The following OLFM2 variants were observed in gnomAD, a reference collection of about 807,000 sequenced individuals.
The protein encoded by OLFM2 is olfactomedin 2.
In OLFM2, 20 loss-of-function variants were observed where a neutral mutation model predicts 43.9. That is an observed-to-expected ratio of 0.46 (90% CI 0.32 to 0.66). The LOEUF (loss-of-function observed/expected upper bound fraction) is 0.66. Ranked by LOEUF, OLFM2 falls within the 30% of genes least tolerant of loss-of-function variation. The pLI is 0.04. For missense variants in OLFM2, 416 were observed against 643.6 expected (o/e 0.65, Z 3.83); for synonymous variants, 268 against 278.6 (o/e 0.96, Z 0.38).
chr19:9,909,505 A>G (rs867237548), intron 1 of OLFM2, among the ~76,000 whole-genome samples: 5 of 152,256 alleles, frequency 3.3e-5, no homozygotes, highest in African/African-American at 1.2e-4. Flanking sequence ...AACCACAGGA[A>G]TGCTAAGCTG....
At chr19:9,902,982 T>C (rs758932072) in intron 1 of OLFM2, among the ~76,000 whole-genome samples, 57 of 147,628 alleles carry the variant, frequency 3.9e-4, no homozygotes, top group Non-Finnish European at 6.8e-4. Flanking sequence ...CCAGCTAATT[T>C]TTGTACTTTT....
chr19:9,895,411 C>T lies in OLFM2; in HGVS notation c.64-34617G>A, dbSNP rs533203034. 5.4e-4 allele frequency among the ~76,000 whole-genome samples: 82 copies of T among 152,096 alleles called. 3 individuals carry two copies. In the South Asian group the frequency reaches 0.016, roughly 30 times the overall value. Reference sequence around the variant, plus strand: ...CTCGGGAAGCTGAGGTGGGGGATCACTTGAGCCTGAGAAGTCAAGGCTTCA... The same window carrying T: ...CTCGGGAAGCTGAGGTGGGGGATCATTTGAGCCTGAGAAGTCAAGGCTTCA... On this transcript the variant is annotated intron_variant, in intron 1 of 5. Coordinates refer to ENST00000264833, the MANE Select transcript of OLFM2 (RefSeq NM_058164.4).
intron 1 of OLFM2, among the ~76,000 whole-genome samples, chr19:9,926,987 AAAAT>A (rs1379284317): frequency 6.6e-6 from 1 of 151,430 alleles, no homozygotes; most frequent in African/African-American, 2.4e-5. Flanking sequence ...TCTATCTCTA[AAAAT>A]AAATAAATAA....
At chr19:9,886,816 C>T (rs2046591662) in intron 1 of OLFM2, among the ~76,000 whole-genome samples, 1 of 152,066 alleles carries the variant, frequency 6.6e-6, no homozygotes, top group East Asian at 1.9e-4. Flanking sequence ...TCCCAAGTAG[C>T]TGGGATTACA....
rs569062052 is a variant in OLFM2 at position 9,913,409 on chromosome 19, G to A, written c.63+22895C>T. 8.9e-5 allele frequency: 80 copies of A among 899,220 alleles called. No individual in the cohort carries two copies. The East Asian group carries it at 3.1e-3, about 35-fold the overall frequency. 55.7% of individuals were successfully genotyped at this position (899,220 alleles called of 1,614,324 possible). On this transcript the variant is annotated intron_variant, in intron 1 of 5. Transcript: ENST00000264833. ...AGGGGGACAGGTGGGGGCCCCGGGG[G>A]CTGCGGCGGCGGCAGCGGCTGTGGC...
At chr19:9,869,720 G>A (rs1013333082) in intron 1 of OLFM2, among the ~76,000 whole-genome samples, 4 of 152,114 alleles carry the variant, frequency 2.6e-5, no homozygotes, top group Non-Finnish European at 5.9e-5. Context: ...GACCTCAAGC[G>A]ATCCTCTGGC....
In OLFM2 at chr19:9,919,176, C is replaced by CTTTTTTTTTTTTT. The variant is rs36124685; in HGVS notation, c.63+17127_63+17128insAAAAAAAAAAAAA. Among the ~76,000 whole-genome samples, 153 of 149,250 alleles carry CTTTTTTTTTTTTT rather than the reference C, an allele frequency of 1.0e-3. 1 individual carries two copies. Among genetic ancestry groups the CTTTTTTTTTTTTT allele is most frequent in the African/African-American group, 3.6e-3 (145 of 40,070 alleles). ...ACGCAGTGAGACCTCATTTCTCTCT[C>CTTTTTTTTTTTTT]TTTTTTTTGAGATGGAGTCTCGCTC... On this transcript the variant is annotated intron_variant, in intron 1 of 5. Coordinates refer to ENST00000264833, the MANE Select transcript of OLFM2 (RefSeq NM_058164.4).
intron 1 of OLFM2, among the ~76,000 whole-genome samples, chr19:9,900,727 C>T (rs1276631179): frequency 3.3e-5 from 5 of 150,958 alleles, no homozygotes; most frequent in Admixed American, 6.6e-5. Context: ...CCTGTCTCTA[C>T]AAAAAAATTA....
intron 1 of OLFM2, among the ~76,000 whole-genome samples, chr19:9,876,765 A>G (rs2046492341): frequency 6.6e-6 from 1 of 152,224 alleles, no homozygotes; most frequent in Admixed American, 6.6e-5. Flanking sequence ...TATAGCTAAG[A>G]ATAGTACTGA....
At chr19:9,888,156 C>G (rs2046604688) in intron 1 of OLFM2, among the ~76,000 whole-genome samples, 1 of 152,150 alleles carries the variant, frequency 6.6e-6, no homozygotes, top group African/African-American at 2.4e-5. Context: ...CCTCTTTGCA[C>G]TGGCTATCCC....
chr19:9,870,704 G>A (rs1301609414), intron 1 of OLFM2, among the ~76,000 whole-genome samples: 1 of 151,890 alleles, frequency 6.6e-6, no homozygotes, highest in Non-Finnish European at 1.5e-5. Flanking sequence ...CCCCATCCCC[G>A]GGGCTCAAGC....
intron 1 of OLFM2, among the ~76,000 whole-genome samples, chr19:9,874,149 A>C (rs1376060143): frequency 6.6e-6 from 1 of 152,030 alleles, no homozygotes; most frequent in African/African-American, 2.4e-5. Context: ...CAAATTCCCC[A>C]GTTTTCCCAC....
At chr19:9,894,325 C>T (rs554091501) in intron 1 of OLFM2, among the ~76,000 whole-genome samples, 105 of 150,292 alleles carry the variant, frequency 7.0e-4, no homozygotes, top group South Asian at 5.3e-3. Context: ...GCAGTGAAAC[C>T]GGGATGGTGT....
At chr19:9,880,932 C>G (rs2046534732) in intron 1 of OLFM2, among the ~76,000 whole-genome samples, 1 of 152,138 alleles carries the variant, frequency 6.6e-6, no homozygotes, top group Admixed American at 6.5e-5. Context: ...GAGTCTTGCT[C>G]TGTCACCCAG....
intron 1 of OLFM2, among the ~76,000 whole-genome samples, chr19:9,919,070 C>T (rs575575250): frequency 3.3e-5 from 5 of 152,304 alleles, no homozygotes; most frequent in Admixed American, 6.5e-5. Flanking sequence ...GGCACGGTGG[C>T]TCACGCCTGT....
chr19:9,918,348 G>T (rs1343343434), intron 1 of OLFM2, among the ~76,000 whole-genome samples: 1 of 151,870 alleles, frequency 6.6e-6, no homozygotes, highest in Non-Finnish European at 1.5e-5. Flanking sequence ...ACACCACCGT[G>T]CCCAGCTAAT....
At chr19:9,886,301 G>A (rs1204046611) in intron 1 of OLFM2, among the ~76,000 whole-genome samples, 2 of 152,012 alleles carry the variant, frequency 1.3e-5, no homozygotes, top group African/African-American at 2.4e-5. Flanking sequence ...TGCCTTCCAG[G>A]TTCAAGTGAT....
At chr19:9,919,365 A>G (rs866989825) in intron 1 of OLFM2, among the ~76,000 whole-genome samples, 34 of 151,950 alleles carry the variant, frequency 2.2e-4, no homozygotes, top group Middle Eastern at 3.4e-3. Flanking sequence ...ATGGGGTTTC[A>G]CTGTGTTAGC....
intron 1 of OLFM2, among the ~76,000 whole-genome samples, chr19:9,919,807 T>C (rs1384354006): frequency 6.9e-6 from 1 of 144,564 alleles, no homozygotes; most frequent in Non-Finnish European, 1.5e-5. Context: ...TTTTTTTTTT[T>C]TTTTTGAGAC....
Sources: allele counts gnomAD v4.1 joint callset (sites outside exome capture counted in the v4.1 genomes callset), GRCh38; gene constraint gnomAD v4.1.1; transcripts MANE v1.5; gene names NCBI Gene and HGNC (gene_info 2026-07-23, HGNC 2026-07-21).